The following ZNF385B variants were observed in gnomAD, a reference collection of about 807,000 sequenced individuals.
ZNF385B encodes the protein zinc finger protein 533.
In ZNF385B, 23 loss-of-function variants were observed where a neutral mutation model predicts 39.2. The observed-to-expected ratio is 0.59, with a 90% confidence interval of 0.42 to 0.83. The LOEUF is 0.83. Ranked by LOEUF, ZNF385B falls within the 40% of genes least tolerant of loss-of-function variation. The probability of loss-of-function intolerance (pLI) is 0.00; values close to 1 mark genes in which losing one functional copy is unlikely to be tolerated. For missense variants in ZNF385B, 552 were observed against 598.9 expected (o/e 0.92, Z 0.82); for synonymous variants, 205 against 222.6 (o/e 0.92, Z 0.70).
At chr2:179,575,183 C>T (rs910671191) in intron 3 of ZNF385B, among the ~76,000 whole-genome samples, 1 of 152,054 alleles carries the variant, frequency 6.6e-6, no homozygotes, top group Non-Finnish European at 1.5e-5. Flanking sequence ...CAGAACCACG[C>T]TGAAAGCCAA....
chr2:179,508,431 C>T (rs1179925536), intron 5 of ZNF385B, among the ~76,000 whole-genome samples: 13 of 152,148 alleles, frequency 8.5e-5, no homozygotes. Context: ...AAACCCTCAA[C>T]AATCTTTTTC....
intron 5 of ZNF385B, among the ~76,000 whole-genome samples, chr2:179,502,819 T>C (rs1465513372): frequency 1.3e-5 from 2 of 152,152 alleles, no homozygotes; most frequent in East Asian, 1.9e-4. Context: ...CCAAGTCCAA[T>C]AGATTTTACC....
intron 3 of ZNF385B, among the ~76,000 whole-genome samples, chr2:179,610,648 A>G (rs1350029090): frequency 1.3e-5 from 2 of 152,144 alleles, no homozygotes; most frequent in African/African-American, 2.4e-5. Context: ...TTTGGGTAGT[A>G]TGGACATCTT....
intron 1 of ZNF385B, among the ~76,000 whole-genome samples, chr2:179,820,243 A>G (rs931018847): frequency 2.6e-5 from 4 of 152,138 alleles, no homozygotes; most frequent in Admixed American, 2.6e-4. Context: ...GTTAATGTGG[A>G]ATAACACGTA....
chr2:179,858,375 T>A (rs530261055), intron 1 of ZNF385B, among the ~76,000 whole-genome samples: 1 of 152,196 alleles, frequency 6.6e-6, no homozygotes, highest in Admixed American at 6.5e-5. Flanking sequence ...TAAAGCTGTC[T>A]CTTAGGTGGT....
At chr2:179,844,847 A>G (rs1708719014) in intron 1 of ZNF385B, among the ~76,000 whole-genome samples, 1 of 152,212 alleles carries the variant, frequency 6.6e-6, no homozygotes, top group South Asian at 2.1e-4. Context: ...CTCCAAATAC[A>G]AAGAGCGTTG....
chr2:179,834,643 T>A (rs1359779943), intron 1 of ZNF385B, among the ~76,000 whole-genome samples: 2 of 152,180 alleles, frequency 1.3e-5, no homozygotes, highest in East Asian at 1.9e-4. Flanking sequence ...AACAACTGAT[T>A]CTGGAAAGAT....
intron 3 of ZNF385B, among the ~76,000 whole-genome samples, chr2:179,755,842 G>A (rs903581872): frequency 3.3e-5 from 5 of 152,198 alleles, no homozygotes; most frequent in African/African-American, 1.2e-4. Context: ...ACGTGAGATG[G>A]GTCTCCTGAA....
intron 3 of ZNF385B, among the ~76,000 whole-genome samples, chr2:179,753,572 A>G (rs554205465): frequency 6.6e-6 from 1 of 152,310 alleles, no homozygotes; most frequent in Non-Finnish European, 1.5e-5. Context: ...ATCCATGACC[A>G]TGGAATTCTT....
At chr2:179,511,301 A>T (rs1184504161) in intron 5 of ZNF385B, among the ~76,000 whole-genome samples, 1 of 152,214 alleles carries the variant, frequency 6.6e-6, no homozygotes, top group African/African-American at 2.4e-5. Context: ...CGCCTCTAGC[A>T]GAGACAGCAC....
At chr2:179,504,078 C>T (rs2057020879) in intron 5 of ZNF385B, among the ~76,000 whole-genome samples, 1 of 149,334 alleles carries the variant, frequency 6.7e-6, no homozygotes, top group African/African-American at 2.5e-5. Context: ...TTCCTGTGTC[C>T]ATGTGATCTC....
chr2:179,668,040 A>T (rs1214676797), intron 3 of ZNF385B, among the ~76,000 whole-genome samples: 2 of 152,238 alleles, frequency 1.3e-5, no homozygotes, highest in African/African-American at 2.4e-5. Context: ...TCTCCACAAG[A>T]AAAGAGCAAA....
chr2:179,546,046 A>G (rs2060211272), intron 3 of ZNF385B, among the ~76,000 whole-genome samples: 3 of 151,526 alleles, frequency 2.0e-5, no homozygotes, highest in Non-Finnish European at 4.4e-5. Flanking sequence ...TATTATTACT[A>G]TTTTTAAAGA....
At chr2:179,482,275 A>C (rs1268117448) in intron 6 of ZNF385B, among the ~76,000 whole-genome samples, 1 of 152,216 alleles carries the variant, frequency 6.6e-6, no homozygotes, top group African/African-American at 2.4e-5. Flanking sequence ...AAATTCTCCA[A>C]TGATTTGAGA....
chr2:179,637,590 A>G (rs1225583577), intron 3 of ZNF385B, among the ~76,000 whole-genome samples: 2 of 152,182 alleles, frequency 1.3e-5, no homozygotes, highest in Non-Finnish European at 2.9e-5. Context: ...ATCACAGGTA[A>G]CATTTATTTG....
intron 3 of ZNF385B, among the ~76,000 whole-genome samples, chr2:179,659,095 A>G (rs2106270626): frequency 6.6e-6 from 1 of 152,346 alleles, no homozygotes; most frequent in South Asian, 2.1e-4. Context: ...GACATTCTTT[A>G]TACCTCCAAA....
At chr2:179,651,241 C>T (rs1693169050) in intron 3 of ZNF385B, among the ~76,000 whole-genome samples, 1 of 151,796 alleles carries the variant, frequency 6.6e-6, no homozygotes, top group South Asian at 2.1e-4. Flanking sequence ...TTTTTCAATA[C>T]TGTATATGCT....
Position 179,576,073 on chromosome 2 carries a change from C to G in ZNF385B, c.299-31104G>C, listed in dbSNP as rs1685778119. On this transcript the variant is annotated intron_variant, in intron 3 of 9. Coordinates refer to ENST00000410066, the MANE Select transcript of ZNF385B (RefSeq NM_152520.6). ...ACTCTGGCACAACACTTGCCCCGTA[C>G]CTCTCCTTTTCTTCCCACAGGCACA... 4 of 921,542 alleles carry G rather than the reference C, an allele frequency of 4.3e-6. No individual in the cohort carries two copies. The South Asian group carries it at 2.0e-4, about 46-fold the overall frequency. 57.1% of individuals were successfully genotyped at this position (921,542 alleles called of 1,614,324 possible). A position where few individuals can be genotyped will look rare whatever the true frequency, so the allele number is the denominator to read the frequency against.
intron 3 of ZNF385B, among the ~76,000 whole-genome samples, chr2:179,739,944 C>T (rs1275914210): frequency 1.3e-5 from 2 of 151,988 alleles, no homozygotes; most frequent in Non-Finnish European, 2.9e-5. Flanking sequence ...CCAAAAGCTC[C>T]TAGATTAAGA....
Sources: gnomAD v4.1 joint callset for allele counts (sites outside exome capture counted in the v4.1 genomes callset) on GRCh38, gnomAD v4.1.1 for gene constraint, MANE v1.5 for transcripts, NCBI Gene and HGNC (gene_info 2026-07-23, HGNC 2026-07-21) for gene names.